The following TRDN variants were observed in gnomAD, a reference collection of about 807,000 sequenced individuals.
TRDN encodes the protein triadin in skeletal muscle.
In TRDN, 161 loss-of-function variants were observed where a neutral mutation model predicts 149.7. The ratio of observed to expected loss-of-function variants is 1.08; its 90% CI spans 0.95 to 1.23. The LOEUF (loss-of-function observed/expected upper bound fraction) is 1.23. TRDN is among the 50% of genes most tolerant of loss of function. The pLI is 0.00. For synonymous variants in TRDN, 294 were observed against 250.5 expected, an observed-to-expected ratio of 1.17 and a Z score of -1.64; for missense variants, 896 against 823.5, an observed-to-expected ratio of 1.09 and a Z score of -1.08.
At chr6:123,419,683 A>G (rs967019669) in intron 12 of TRDN, among the ~76,000 whole-genome samples, 2 of 152,216 alleles carry the variant, frequency 1.3e-5, no homozygotes, top group African/African-American at 4.8e-5. Flanking sequence ...GAGATGGAGC[A>G]CAATCATCCA....
chr6:123,256,070 C>T (rs1382139888), intron 35 of TRDN, among the ~76,000 whole-genome samples, 168 bp from the exon 36 acceptor site: 1 of 151,920 alleles, frequency 6.6e-6, no homozygotes, highest in Non-Finnish European at 1.5e-5. Context: ...GGTATTTTTC[C>T]TAATGCTATC....
chr6:123,304,544 G>A (rs1046761002), intron 24 of TRDN, among the ~76,000 whole-genome samples: 11 of 151,962 alleles, frequency 7.2e-5, no homozygotes, highest in Non-Finnish European at 1.2e-4. Flanking sequence ...GAGACACTGC[G>A]CCCGGCTTAA....
intron 23 of TRDN, among the ~76,000 whole-genome samples, chr6:123,328,532 C>T (rs770492382): frequency 2.0e-5 from 3 of 152,076 alleles, no homozygotes; most frequent in Admixed American, 6.6e-5. Context: ...TCCTTCCTCT[C>T]GCACCAATCT....
chr6:123,626,479 AAAC>A (rs1245709843), intron 1 of TRDN, among the ~76,000 whole-genome samples: 2 of 152,016 alleles, frequency 1.3e-5, no homozygotes, highest in Non-Finnish European at 2.9e-5. Context: ...AAAGAAAAAA[AAAC>A]AACAACAAAA....
At chr6:123,283,070 A>G (rs1219148082) in intron 24 of TRDN, among the ~76,000 whole-genome samples, 2 of 151,908 alleles carry the variant, frequency 1.3e-5, no homozygotes, top group Admixed American at 6.6e-5. Context: ...ATGGGCCACA[A>G]AACAAGTCCT....
chr6:123,238,024 C>G (rs1394578347), intron 38 of TRDN, among the ~76,000 whole-genome samples: 1 of 151,894 alleles, frequency 6.6e-6, no homozygotes, highest in African/African-American at 2.4e-5. Context: ...AATTGGAAGC[C>G]TAGATTATGT....
intron 24 of TRDN, among the ~76,000 whole-genome samples, chr6:123,285,755 A>G (rs1777782285): frequency 6.6e-6 from 1 of 152,182 alleles, no homozygotes; most frequent in Non-Finnish European, 1.5e-5. Flanking sequence ...CAGACAACCT[A>G]CAGAGTGGGA....
chr6:123,636,630 G>T, intron 1 of TRDN, 124 bp downstream of exon 1: 2 of 1,112,852 alleles, frequency 1.8e-6, no homozygotes, highest in Non-Finnish European at 2.7e-6. Flanking sequence ...ATCCTGTATA[G>T]AATCATTGAC....
intron 38 of TRDN, among the ~76,000 whole-genome samples, chr6:123,251,344 A>C (rs1194769997): frequency 6.6e-6 from 1 of 152,144 alleles, no homozygotes; most frequent in Non-Finnish European, 1.5e-5. Context: ...GATTTGGGAA[A>C]TTGAAATGTG....
intron 7 of TRDN, among the ~76,000 whole-genome samples, chr6:123,505,136 C>CAGG (rs897959097): frequency 1.3e-5 from 2 of 149,684 alleles, no homozygotes; most frequent in Non-Finnish European, 1.5e-5. Context: ...CCCAGCTACT[C>CAGG]AGGAGGCTGA....
intron 24 of TRDN, among the ~76,000 whole-genome samples, chr6:123,290,854 T>A (rs1014923546): frequency 6.6e-6 from 1 of 152,172 alleles, no homozygotes; most frequent in Non-Finnish European, 1.5e-5. Flanking sequence ...AAGAATGTTA[T>A]GGAAAGAAAA....
chr6:123,251,385 T>C (rs1487834482), intron 38 of TRDN, among the ~76,000 whole-genome samples: 3 of 152,080 alleles, frequency 2.0e-5, no homozygotes, highest in African/African-American at 7.2e-5. Flanking sequence ...AGTGTAAGTG[T>C]AAAATACACA....
At chr6:123,309,715 G>C (rs545474522) in intron 24 of TRDN, among the ~76,000 whole-genome samples, 1 of 151,374 alleles carries the variant, frequency 6.6e-6, no homozygotes, top group Non-Finnish European at 1.5e-5. Context: ...GGGGAGGTTT[G>C]CAACAATTTG....
chr6:123,583,506 A>T (rs1783244498), intron 1 of TRDN, among the ~76,000 whole-genome samples: 1 of 151,326 alleles, frequency 6.6e-6, no homozygotes, highest in African/African-American at 2.4e-5. Context: ...TTTTTAAAAG[A>T]CCTTTAGTCT....
intron 10 of TRDN, among the ~76,000 whole-genome samples, chr6:123,452,675 C>A (rs1165003525): frequency 2.0e-5 from 3 of 152,098 alleles, no homozygotes; most frequent in African/African-American, 7.2e-5. Flanking sequence ...GACCATACTG[C>A]CAAAAGCAAT....
At chr6:123,224,282 A>G (rs938471326) in intron 38 of TRDN, 151 bp from the exon 39 acceptor site, 3 of 661,124 alleles carry the variant, frequency 4.5e-6, no homozygotes, top group Middle Eastern at 2.6e-4. Context: ...CTGTCTGACC[A>G]AAACAGGCAC....
chr6:123,464,881 C>A (rs1583081287), intron 10 of TRDN, 25 bp downstream of exon 10: 1 of 1,556,960 alleles, frequency 6.4e-7, no homozygotes. Context: ...CAATAGAGAT[C>A]TTTAAGAAAA....
chr6:123,478,479 TTCTA>T (rs1777600018), intron 9 of TRDN, among the ~76,000 whole-genome samples: 1 of 152,130 alleles, frequency 6.6e-6, no homozygotes. Flanking sequence ...TGAACAATAT[TTCTA>T]TCAACTCCAC....
Position 123,229,105 on chromosome 6 carries a change from A to G in TRDN, c.1976-4974T>C, listed in dbSNP as rs192570790. ...ATTCTAGAGTTCATTCTTCGCTTAC[A>G]TAGAAACAGATTCCAGAGGAATCAG... On this transcript the variant is annotated intron_variant, in intron 38 of 40. Coordinates refer to ENST00000334268, the MANE Select transcript of TRDN (RefSeq NM_006073.4). 5.8e-4 allele frequency among the ~76,000 whole-genome samples: 88 copies of G among 152,078 alleles called. 2 individuals are homozygous for G. In the South Asian group the frequency reaches 0.015, roughly 26 times the overall value.
Sources: gnomAD v4.1 joint callset for allele counts (sites outside exome capture counted in the v4.1 genomes callset) on GRCh38, gnomAD v4.1.1 for gene constraint, MANE v1.5 for transcripts, NCBI Gene and HGNC (gene_info 2026-07-23, HGNC 2026-07-21) for gene names.